Variants in MTMR12 observed in about 807,000 individuals in gnomAD.
The protein encoded by MTMR12 is myotubularin related protein 12, also known as myotubularin-related protein 12.
In MTMR12, 33 loss-of-function variants were observed where a neutral mutation model predicts 96.7. The ratio of observed to expected loss-of-function variants is 0.34; its 90% CI spans 0.26 to 0.46. The LOEUF is 0.46. MTMR12 is among the 20% of genes least tolerant of loss of function. The pLI, the probability that MTMR12 is intolerant of heterozygous loss-of-function variation, is 1.00. For synonymous variants in MTMR12, 298 were observed against 327.2 expected (o/e 0.91, Z 0.96); for missense variants, 721 against 896.1 (o/e 0.80, Z 2.49).
At chr5:32,285,877 CTA>C (rs1329405143) in intron 1 of MTMR12, among the ~76,000 whole-genome samples, 2 of 151,968 alleles carry the variant, frequency 1.3e-5, no homozygotes, top group South Asian at 2.1e-4. Context: ...CTTCTCAGAA[CTA>C]TGTTTCTGAG....
At chr5:32,302,721 A>AC (rs1561814749) in intron 1 of MTMR12, among the ~76,000 whole-genome samples, 3 of 149,620 alleles carry the variant, frequency 2.0e-5, no homozygotes, top group African/African-American at 7.6e-5. Flanking sequence ...AAGACTCCGT[A>AC]TAAAAAAAAA....
At chr5:32,252,634 C>T (rs1440683818) in intron 8 of MTMR12, among the ~76,000 whole-genome samples, 2 of 152,146 alleles carry the variant, frequency 1.3e-5, no homozygotes, top group Non-Finnish European at 2.9e-5. Flanking sequence ...TAAGCTATAG[C>T]TATTGATATT....
chr5:32,240,278 A>G (rs1017942019), intron 12 of MTMR12, among the ~76,000 whole-genome samples: 1 of 152,114 alleles, frequency 6.6e-6, no homozygotes, highest in African/African-American at 2.4e-5. Flanking sequence ...GCACGCCTGT[A>G]ATCCCAGCTA....
chr5:32,234,747 T>C (rs1748141009), intron 14 of MTMR12: 8 of 424,930 alleles, frequency 1.9e-5, no homozygotes, highest in Non-Finnish European at 3.4e-5. Flanking sequence ...GGTATGTAGT[T>C]AGTGTTCAAT....
In MTMR12 at chr5:32,234,061, T is replaced by C; in HGVS notation, c.1513-127A>G. On this transcript the variant is annotated intron_variant, in intron 14 of 15. Transcript: ENST00000382142. ...CCTGAGAATGAATAATCATGGGCAT[T>C]TAAGGCTGAGGCTACCTGTGGTTAT... The C allele has an allele frequency of 1.7e-6, 2 of 1,146,022 alleles. 1 individual carries two copies. Among genetic ancestry groups the C allele is most frequent in the Middle Eastern group, 5.4e-4 (2 of 3,710 alleles). The allele number at this position is 1,146,022 out of a possible 1,614,324, so 71.0% of individuals were successfully genotyped here.
intron 5 of MTMR12, among the ~76,000 whole-genome samples, 159 bp from the exon 6 acceptor site, chr5:32,268,953 T>C (rs1749720577): frequency 1.3e-5 from 2 of 152,188 alleles, no homozygotes; most frequent in African/African-American, 4.8e-5. Context: ...CATTAGCTTT[T>C]TGGAATAATG....
chr5:32,291,481 T>C (rs1322832996), intron 1 of MTMR12, among the ~76,000 whole-genome samples: 1 of 152,200 alleles, frequency 6.6e-6, no homozygotes, highest in Non-Finnish European at 1.5e-5. Context: ...GGAAGAGTTA[T>C]ATGGATGGTC....
chr5:32,232,192 C>T (rs370659684), intron 15 of MTMR12, among the ~76,000 whole-genome samples: 17 of 152,310 alleles, frequency 1.1e-4, no homozygotes, highest in South Asian at 2.1e-4. Flanking sequence ...GGCATTTGCA[C>T]GGCAGCACCA....
rs1485908739 is a variant in MTMR12 at position 32,248,881 on chromosome 5, G to A, written c.790-3C>T. 6.2e-7 allele frequency: 1 copy of A among 1,610,310 alleles called. No homozygotes were observed. Among genetic ancestry groups the A allele is most frequent in the African/African-American group, 1.3e-5 (1 of 74,824 alleles). ...TTGTGGCAGGACCAACACCATATCT[G>A]TAGAAACAAATAAAGCTTTACCAGA... On this transcript the variant is annotated splice_region_variant and splice_polypyrimidine_tract_variant and intron_variant, in intron 8 of 15. Coordinates refer to ENST00000382142, the MANE Select transcript of MTMR12 (RefSeq NM_001040446.3).
chr5:32,234,889 G>C lies in MTMR12; in HGVS notation c.1512+73C>G, dbSNP rs73752844. On this transcript the variant is annotated intron_variant, in intron 14 of 15. Transcript: ENST00000382142. The stretch of plus-strand genomic sequence containing the variant: ...CCAAGTGAGCACCATTTTATTTGTA[G>C]CATCAGTATTACTGCATCCTACTTG... The C allele has an allele frequency of 8.1e-3, 11,145 of 1,372,078 alleles. 695 individuals carry two copies. In the African/African-American group the frequency reaches 0.14, roughly 17 times the overall value. The allele number at this position is 1,372,078 out of a possible 1,614,324, so 85.0% of individuals were successfully genotyped here.
chr5:32,255,635 T>C (rs1749105372), intron 8 of MTMR12, 58 bp downstream of exon 8: 2 of 1,439,594 alleles, frequency 1.4e-6, no homozygotes, highest in African/African-American at 2.9e-5. Context: ...GTAGGATCAT[T>C]TTGCCAGGAT....
intron 1 of MTMR12, among the ~76,000 whole-genome samples, chr5:32,311,679 A>G (rs1284733406): frequency 6.6e-5 from 10 of 152,232 alleles, no homozygotes; most frequent in Admixed American, 5.9e-4. Flanking sequence ...AGCAAGGCCT[A>G]CAAGTTCTGA....
At chr5:32,231,780 C>T (rs1748006891) in intron 15 of MTMR12, among the ~76,000 whole-genome samples, 1 of 152,176 alleles carries the variant, frequency 6.6e-6, no homozygotes, top group Non-Finnish European at 1.5e-5. Flanking sequence ...TCTTTTTCTC[C>T]ATCGTGAAGA....
chr5:32,288,746 G>A (rs1750640076), intron 1 of MTMR12, among the ~76,000 whole-genome samples: 2 of 152,106 alleles, frequency 1.3e-5, no homozygotes, highest in African/African-American at 2.4e-5. Context: ...TTATGTGCTT[G>A]GTTAGCTGAA....
chr5:32,301,330 C>G (rs1751133655), intron 1 of MTMR12, among the ~76,000 whole-genome samples: 2 of 152,292 alleles, frequency 1.3e-5, no homozygotes, highest in South Asian at 4.1e-4. Context: ...GATCTGAACC[C>G]CAGATTCCCT....
Position 32,280,103 on chromosome 5 carries a change from T to G in MTMR12, c.82-3361A>C, listed in dbSNP as rs183551467. ...TTGAAAAGTCAATTCTTTGGACTCTTACCAAGTTCACATTCAGAGTGCACA... is the reference window on the plus strand; with the variant it reads ...TTGAAAAGTCAATTCTTTGGACTCTGACCAAGTTCACATTCAGAGTGCACA... On this transcript the variant is annotated intron_variant, in intron 1 of 15. Transcript: ENST00000382142. 2.9e-3 allele frequency among the ~76,000 whole-genome samples: 448 copies of G among 152,318 alleles called. 2 individuals are homozygous for G. The highest frequency in any genetic ancestry group is 1.0e-2 in the African/African-American group (414 of 41,576).
At chr5:32,274,955 T>C (rs1311027017) in intron 2 of MTMR12, among the ~76,000 whole-genome samples, 1 of 151,800 alleles carries the variant, frequency 6.6e-6, no homozygotes, top group Non-Finnish European at 1.5e-5. Context: ...GAGAAGACTA[T>C]GGGGGAAATG....
chr5:32,284,317 CAAAAAAAAAA>C (rs57597487), intron 1 of MTMR12, among the ~76,000 whole-genome samples: 2 of 47,276 alleles, frequency 4.2e-5, no homozygotes, highest in African/African-American at 1.5e-4. Flanking sequence ...GACCCTGTCT[CAAAAAAAAAA>C]AAAAAAAAAA....
intron 1 of MTMR12, among the ~76,000 whole-genome samples, chr5:32,284,421 A>G (rs10520993): frequency 0.32 from 48,522 of 151,958 alleles, 7,879 homozygotes; most frequent in Middle Eastern, 0.44. Context: ...CAATATACTG[A>G]AAAACGGAGG....
Sources: allele counts gnomAD v4.1 joint callset (sites outside exome capture counted in the v4.1 genomes callset), GRCh38; gene constraint gnomAD v4.1.1; transcripts MANE v1.5; gene names NCBI Gene and HGNC (gene_info 2026-07-23, HGNC 2026-07-21).